Variants in ZBTB16 observed in about 807,000 individuals in gnomAD.
ZBTB16 encodes the protein zinc finger and BTB domain-containing protein 16.
In ZBTB16, 8 loss-of-function variants were observed where a neutral mutation model predicts 56.8. The observed-to-expected ratio is 0.14, with a 90% CI of 0.08 to 0.25. The LOEUF (loss-of-function observed/expected upper bound fraction) is 0.25, where lower values mean the gene tolerates loss of function less well. Ranked by LOEUF, ZBTB16 falls within the 10% of genes least tolerant of loss-of-function variation. ZBTB16 has a pLI of 1.00. For missense variants in ZBTB16, 625 were observed against 903.0 expected (o/e 0.69, Z 3.95); for synonymous variants, 363 against 368.5 (o/e 0.98, Z 0.17).
intron 2 of ZBTB16, among the ~76,000 whole-genome samples, chr11:114,122,869 G>A (rs920195864): frequency 6.6e-6 from 1 of 152,166 alleles, no homozygotes; most frequent in Non-Finnish European, 1.5e-5. Flanking sequence ...TGTGGTGAGT[G>A]TTATTTATCT....
At chr11:114,105,710 C>G (rs1249681079) in intron 2 of ZBTB16, among the ~76,000 whole-genome samples, 2 of 152,218 alleles carry the variant, frequency 1.3e-5, no homozygotes, top group Non-Finnish European at 2.9e-5. Context: ...TCCTCCATCA[C>G]TCTGCTGTTC....
chr11:114,077,249 C>T (rs989600031), intron 2 of ZBTB16, among the ~76,000 whole-genome samples: 1 of 152,172 alleles, frequency 6.6e-6, no homozygotes, highest in Non-Finnish European at 1.5e-5. Context: ...GTGTGAGAAG[C>T]CGCTTGCTAT....
intron 2 of ZBTB16, among the ~76,000 whole-genome samples, chr11:114,146,579 G>A (rs1310186962): frequency 1.3e-5 from 2 of 152,120 alleles, no homozygotes; most frequent in Non-Finnish European, 2.9e-5. Context: ...AGGCACGGTG[G>A]CTCATACTTG....
intron 4 of ZBTB16, among the ~76,000 whole-genome samples, chr11:114,205,480 G>A (rs749945604): frequency 2.0e-5 from 3 of 152,112 alleles, no homozygotes; most frequent in Non-Finnish European, 4.4e-5. Flanking sequence ...TGTAGGTTTG[G>A]GTCAGACGCA....
At chr11:114,117,880 A>G (rs1941221499) in intron 2 of ZBTB16, among the ~76,000 whole-genome samples, 1 of 152,232 alleles carries the variant, frequency 6.6e-6, no homozygotes, top group Non-Finnish European at 1.5e-5. Flanking sequence ...AAGTGTTTTC[A>G]TCAAAGACCT....
Position 114,064,315 on chromosome 11 carries a change from A to C in ZBTB16, c.1015A>C (p.Asn339His), listed in dbSNP as rs780566090. The C allele has an allele frequency of 1.9e-6, 3 of 1,614,096 alleles. No homozygotes were observed. Among genetic ancestry groups the C allele is most frequent in the Admixed American group, 3.3e-5 (2 of 60,028 alleles). ...TCTGGGCATCTACTCCGTGTTGCCCAACCACAAGGCTGACGCTGTATTGAG... is the reference window on the plus strand; with the variant it reads ...TCTGGGCATCTACTCCGTGTTGCCCCACCACAAGGCTGACGCTGTATTGAG... Reference protein sequence around the residue: ...KHLGIYSVLPNHKADAVLSMP... With the variant: ...KHLGIYSVLPHHKADAVLSMP... The change falls in exon 2 of 7, where the codon AAC (asparagine) becomes CAC (histidine). Residue 339 changes from asparagine (N) to histidine (H), a missense_variant. By Grantham distance (68) the Asn-to-His change is moderately conservative. This residue lies in a region of ZBTB16 where 384 missense variants were observed against 393.5 expected (regional missense o/e 0.98). Coordinates refer to ENST00000335953, the MANE Select transcript of ZBTB16 (RefSeq NM_006006.6). This position sits in a 1 kb window ranked among gnomAD's most constrained non-coding sequence, Gnocchi z 4.2.
intron 2 of ZBTB16, among the ~76,000 whole-genome samples, chr11:114,129,063 G>C (rs1941594604): frequency 6.6e-6 from 1 of 152,208 alleles, no homozygotes; most frequent in African/African-American, 2.4e-5. Context: ...ATCTGGGTCT[G>C]CGTGGGTGGG....
chr11:114,069,120 C>G (rs1939234121), intron 2 of ZBTB16, among the ~76,000 whole-genome samples: 1 of 152,160 alleles, frequency 6.6e-6, no homozygotes, highest in Admixed American at 6.5e-5. Flanking sequence ...GAGTCTCGCT[C>G]TGTCTCCCAG....
chr11:114,230,119 G>A (rs549782294), intron 4 of ZBTB16, among the ~76,000 whole-genome samples: 1 of 152,088 alleles, frequency 6.6e-6, no homozygotes, highest in African/African-American at 2.4e-5. Context: ...TCCCTGGCTG[G>A]TTCTGGGTCT....
At chr11:114,135,230 T>C (rs1318310988) in intron 2 of ZBTB16, among the ~76,000 whole-genome samples, 3 of 152,230 alleles carry the variant, frequency 2.0e-5, no homozygotes, top group African/African-American at 2.4e-5. Context: ...CACCTCCTTA[T>C]GGCAGCTTGT....
rs1565687275 is a variant in ZBTB16 at position 114,209,982 on chromosome 11, C to T, written c.1453+22944C>T. On this transcript the variant is annotated intron_variant, in intron 4 of 6. Coordinates refer to ENST00000335953, the MANE Select transcript of ZBTB16 (RefSeq NM_006006.6). ...GTGCTGCTACTTATTAGGAGCAAGA[C>T]TTCAGACAAGTTGCTTGTCCTTTCA... 4 of 983,004 alleles carry T rather than the reference C, an allele frequency of 4.1e-6. No homozygotes were observed. In the East Asian group the frequency reaches 4.5e-4, roughly 112 times the overall value. 60.9% of individuals were successfully genotyped at this position (983,004 alleles called of 1,614,324 possible).
At position 114,256,011 on chromosome 11, in the gene ZBTB16, G is replaced by C. The variant is rs1241200650; in HGVS notation, c.*5456G>C. Among the ~76,000 whole-genome samples the C allele has an allele frequency of 8.1e-6, 1 of 124,004 alleles. No homozygotes were observed. The highest frequency in any genetic ancestry group is 2.7e-4 in the East Asian group (1 of 3,770). The allele number at this position is 124,004 out of a possible 152,430, so 81.4% of individuals were successfully genotyped here. A position where few individuals can be genotyped will look rare whatever the true frequency, so the allele number is the denominator to read the frequency against. On this transcript the variant is annotated 3_prime_UTR_variant, in exon 7 of 7. Transcript: ENST00000335953. ...GTCCCACCTTTTTATTGAAGTACTT[G>C]GTTTTGTTTTGTTTTTTTTTTTTGT... is the stretch of plus-strand genomic sequence containing the variant.
At chr11:114,230,643 G>GT (rs1944425172) in intron 4 of ZBTB16, among the ~76,000 whole-genome samples, 1 of 106,524 alleles carries the variant, frequency 9.4e-6, no homozygotes, top group Non-Finnish European at 1.8e-5. Context: ...GGGGGGGGGC[G>GT]GGAAGGAGAG....
intron 4 of ZBTB16, among the ~76,000 whole-genome samples, chr11:114,227,979 C>T (rs899701677): frequency 2.0e-5 from 3 of 152,098 alleles, no homozygotes; most frequent in Non-Finnish European, 2.9e-5. Context: ...TCTTATCATC[C>T]CGTAAAACAG....
chr11:114,172,797 T>C (rs1455341176), intron 3 of ZBTB16, among the ~76,000 whole-genome samples: 1 of 152,230 alleles, frequency 6.6e-6, no homozygotes, highest in African/African-American at 2.4e-5. Flanking sequence ...GGGCTTAATA[T>C]GGCAAATAGT....
chr11:114,082,292 A>G (rs1939794353), intron 2 of ZBTB16, among the ~76,000 whole-genome samples: 1 of 151,888 alleles, frequency 6.6e-6, no homozygotes, highest in Non-Finnish European at 1.5e-5. Flanking sequence ...TTTCAACACA[A>G]CAACAACAAC....
intron 2 of ZBTB16, among the ~76,000 whole-genome samples, chr11:114,066,356 C>T (rs1027927444): frequency 2.6e-5 from 4 of 152,198 alleles, no homozygotes; most frequent in African/African-American, 9.6e-5. Flanking sequence ...GGTGTGTCTT[C>T]TTGATGCTTG....
In ZBTB16 at chr11:114,059,941, C is replaced by T; in HGVS notation, c.-91+59C>T. On this transcript the variant is annotated intron_variant, in intron 1 of 6. Transcript: ENST00000335953. This position sits in a 1 kb window ranked among gnomAD's most constrained non-coding sequence, Gnocchi z 5.3. ...AGCGAGCGCCGCGCGCCGGGGCTTCCCGGGGCTGGAGAGGTCTGGGGGGCG... is the reference window on the plus strand; with the variant it reads ...AGCGAGCGCCGCGCGCCGGGGCTTCTCGGGGCTGGAGAGGTCTGGGGGGCG... The T allele has an allele frequency of 5.1e-6, 2 of 394,858 alleles. No homozygotes were observed. The highest frequency in any genetic ancestry group is 8.9e-6 in the Non-Finnish European group (2 of 223,978). 24.5% of individuals were successfully genotyped at this position (394,858 alleles called of 1,614,324 possible).
intron 2 of ZBTB16, among the ~76,000 whole-genome samples, chr11:114,120,467 C>T (rs1235234094): frequency 1.3e-5 from 2 of 152,182 alleles, no homozygotes; most frequent in African/African-American, 4.8e-5. Context: ...CTTCAGTCCA[C>T]CCTGGATCTC....
Sources: gnomAD v4.1 joint callset for allele counts (sites outside exome capture counted in the v4.1 genomes callset) on GRCh38, gnomAD v4.1.1 for gene constraint, gnomAD v4.1.1 regional missense constraint, Gnocchi (gnomAD v3.1) non-coding constraint, MANE v1.5 for transcripts, NCBI Gene and HGNC (gene_info 2026-07-23, HGNC 2026-07-21) for gene names.